The following KCNH8 variants were observed in gnomAD, a reference collection of about 807,000 sequenced individuals.
KCNH8 encodes voltage-gated delayed rectifier potassium channel KCNH8.
A neutral mutation model predicts 103.6 loss-of-function variants in KCNH8; 70 were observed. The ratio of observed to expected loss-of-function variants is 0.68; its 90% CI spans 0.56 to 0.82. The LOEUF (loss-of-function observed/expected upper bound fraction) is 0.82, where lower values mean the gene tolerates loss of function less well. Ranked by LOEUF, KCNH8 falls within the 40% of genes least tolerant of loss-of-function variation. The pLI, the probability that KCNH8 is intolerant of heterozygous loss-of-function variation, is 0.00. For missense variants in KCNH8, 1,217 were observed against 1,329.9 expected (o/e 0.92, Z 1.32); for synonymous variants, 498 against 489.4 (o/e 1.02, Z -0.23).
intron 1 of KCNH8, among the ~76,000 whole-genome samples, chr3:19,190,152 T>A (rs2063537847): frequency 6.6e-6 from 1 of 152,020 alleles, no homozygotes; most frequent in Non-Finnish European, 1.5e-5. Flanking sequence ...ATGTTAAAAC[T>A]GGTGTTCACA....
intron 15 of KCNH8, among the ~76,000 whole-genome samples, chr3:19,528,024 C>A (rs1260321130): frequency 6.6e-6 from 1 of 151,628 alleles, no homozygotes; most frequent in Non-Finnish European, 1.5e-5. Flanking sequence ...TGATGATAAA[C>A]TGGTTTGGCC....
intron 7 of KCNH8, among the ~76,000 whole-genome samples, chr3:19,427,170 C>T (rs1189084373): frequency 6.6e-6 from 1 of 151,880 alleles, no homozygotes; most frequent in Non-Finnish European, 1.5e-5. Context: ...GGATATTGGC[C>T]CATTGTTCTG....
At chr3:19,252,063 T>G (rs1439792309) in intron 1 of KCNH8, among the ~76,000 whole-genome samples, 1 of 152,218 alleles carries the variant, frequency 6.6e-6, no homozygotes, top group Non-Finnish European at 1.5e-5. Flanking sequence ...GTTTCTTGTA[T>G]GAATGAATGA....
At chr3:19,261,015 A>G (rs2125258825) in intron 2 of KCNH8, among the ~76,000 whole-genome samples, 1 of 147,110 alleles carries the variant, frequency 6.8e-6, no homozygotes, top group South Asian at 2.1e-4. Flanking sequence ...TCAAATTTTT[A>G]TATTGATGGA....
intron 1 of KCNH8, among the ~76,000 whole-genome samples, chr3:19,182,750 T>C (rs560717310): frequency 6.6e-6 from 1 of 152,280 alleles, no homozygotes; most frequent in Admixed American, 6.5e-5. Flanking sequence ...AAGAACAGAA[T>C]GAGTTCTGCC....
intron 11 of KCNH8, among the ~76,000 whole-genome samples, chr3:19,472,174 T>C (rs550117305): frequency 7.3e-5 from 11 of 150,742 alleles, no homozygotes; most frequent in African/African-American, 2.2e-4. Flanking sequence ...TGAAAGCTTA[T>C]TGGAATTTAA....
intron 5 of KCNH8, among the ~76,000 whole-genome samples, chr3:19,377,844 A>T (rs2066233022): frequency 6.6e-6 from 1 of 152,280 alleles, no homozygotes; most frequent in South Asian, 2.1e-4. Context: ...GCTGAGAGCC[A>T]TTAAAATGCT....
chr3:19,463,006 A>G (rs2067664306), intron 11 of KCNH8, among the ~76,000 whole-genome samples: 1 of 152,192 alleles, frequency 6.6e-6, no homozygotes, highest in Non-Finnish European at 1.5e-5. Flanking sequence ...TCTGTACTAA[A>G]TATGTACACA....
intron 1 of KCNH8, among the ~76,000 whole-genome samples, chr3:19,167,015 G>A (rs1323817336): frequency 6.6e-5 from 10 of 152,162 alleles, no homozygotes; most frequent in Admixed American, 6.5e-4. Flanking sequence ...TGCATTATTA[G>A]GTATTGTGGT....
intron 11 of KCNH8, among the ~76,000 whole-genome samples, chr3:19,493,894 T>G (rs1250929489): frequency 6.6e-6 from 1 of 152,206 alleles, no homozygotes; most frequent in Non-Finnish European, 1.5e-5. Context: ...TGTGCAGGTT[T>G]GCTATATGCA....
chr3:19,448,159 TA>T (rs1382875235), intron 8 of KCNH8, among the ~76,000 whole-genome samples: 3 of 151,944 alleles, frequency 2.0e-5, no homozygotes, highest in African/African-American at 7.2e-5. Context: ...AGGCACTTTT[TA>T]AAAAATACAT....
At chr3:19,479,505 G>A (rs1019353397) in intron 11 of KCNH8, among the ~76,000 whole-genome samples, 1 of 152,140 alleles carries the variant, frequency 6.6e-6, no homozygotes, top group African/African-American at 2.4e-5. Flanking sequence ...AGATTAGATG[G>A]TGGTGAAATG....
At chr3:19,160,936 C>T (rs561919244) in intron 1 of KCNH8, among the ~76,000 whole-genome samples, 15 of 152,014 alleles carry the variant, frequency 9.9e-5, no homozygotes, top group African/African-American at 2.4e-4. Flanking sequence ...GCTAGTGATT[C>T]GGCACCACCA....
intron 11 of KCNH8, among the ~76,000 whole-genome samples, chr3:19,467,945 C>G (rs1369121710): frequency 6.6e-6 from 1 of 151,990 alleles, no homozygotes; most frequent in African/African-American, 2.4e-5. Flanking sequence ...CTCCACCCAC[C>G]TCACTCCCTC....
chr3:19,473,317 A>T (rs2067903203), intron 11 of KCNH8, among the ~76,000 whole-genome samples: 1 of 152,214 alleles, frequency 6.6e-6, no homozygotes, highest in African/African-American at 2.4e-5. Context: ...AACCGACTGG[A>T]ACTAAACATT....
At chr3:19,393,684 T>G (rs2066471807) in intron 6 of KCNH8, among the ~76,000 whole-genome samples, 1 of 151,968 alleles carries the variant, frequency 6.6e-6, no homozygotes, top group Non-Finnish European at 1.5e-5. Context: ...ACCACCAGCT[T>G]GAGAAATCAT....
At chr3:19,298,272 G>T (rs1287541894) in intron 3 of KCNH8, among the ~76,000 whole-genome samples, 2 of 152,050 alleles carry the variant, frequency 1.3e-5, no homozygotes, top group African/African-American at 4.8e-5. Flanking sequence ...AAGTCTGCCA[G>T]GTCACGGTGA....
intron 5 of KCNH8, among the ~76,000 whole-genome samples, chr3:19,382,346 G>T (rs758577194): frequency 6.6e-6 from 1 of 152,086 alleles, no homozygotes; most frequent in Non-Finnish European, 1.5e-5. Flanking sequence ...GCCTAGTTGG[G>T]TAACCTTCAG....
intron 15 of KCNH8, among the ~76,000 whole-genome samples, chr3:19,529,461 C>G (rs1223270771): frequency 2.0e-5 from 3 of 152,156 alleles, no homozygotes; most frequent in Non-Finnish European, 4.4e-5. Context: ...GTAGCCCCAA[C>G]AATCCTTTTT....
Sources: allele counts gnomAD v4.1 joint callset (sites outside exome capture counted in the v4.1 genomes callset), GRCh38; gene constraint gnomAD v4.1.1; transcripts MANE v1.5; gene names NCBI Gene and HGNC (gene_info 2026-07-23, HGNC 2026-07-21).